Variants in TTLL8 observed in about 807,000 individuals in gnomAD.
TTLL8 encodes tubulin tyrosine ligase like 8, also known as protein monoglycylase TTLL8.
In TTLL8, 65 loss-of-function variants were observed where a neutral mutation model predicts 77.8. That is an observed-to-expected ratio of 0.84 (90% CI 0.68 to 1.03). The LOEUF (loss-of-function observed/expected upper bound fraction) is 1.03. Ranked by LOEUF, TTLL8 falls within the 50% of genes least tolerant of loss-of-function variation. TTLL8 has a pLI of 0.00. For missense variants in TTLL8, 910 were observed against 1,004.5 expected, an observed-to-expected ratio of 0.91 and a Z score of 1.27; for synonymous variants, 402 against 422.8, an observed-to-expected ratio of 0.95 and a Z score of 0.60.
rs1199774017 is a variant in TTLL8 at position 50,034,133 on chromosome 22, C to T, written c.1039+212G>A. Among the ~76,000 whole-genome samples the T allele has an allele frequency of 2.0e-5, 3 of 152,230 alleles. No homozygotes were observed. The highest frequency in any genetic ancestry group is 4.1e-4 in the South Asian group (2 of 4,838). On this transcript the variant is annotated intron_variant, in intron 9 of 13. Coordinates refer to ENST00000266182, the Ensembl canonical transcript of TTLL8. This position sits in a 1 kb window ranked among gnomAD's most constrained non-coding sequence, Gnocchi z 4.1. ...GGAAATCCTGATTAACCCATCAACC[C>T]GGATCCTGCCCTGTGATCGGAACAC...
intron 3 of TTLL8, among the ~76,000 whole-genome samples, chr22:50,047,589 G>T (rs796460940): frequency 2.3e-4 from 35 of 152,256 alleles, no homozygotes; most frequent in African/African-American, 8.4e-4. Flanking sequence ...GTGTGGGGAC[G>T]TGCCACTTGC....
At chr22:50,053,829 C>T (rs996657374) in intron 1 of TTLL8, among the ~76,000 whole-genome samples, 10 of 152,288 alleles carry the variant, frequency 6.6e-5, no homozygotes, top group East Asian at 1.9e-4. Flanking sequence ...GGTGATGGAA[C>T]GGTCTTTATG....
At chr22:50,057,934 G>GGA (rs1363107455), upstream of TTLL8, among the ~76,000 whole-genome samples, 1 of 151,916 alleles carries the variant, frequency 6.6e-6, no homozygotes, top group African/African-American at 2.4e-5. Context: ...GAGTTGGGCA[G>GGA]GTTTAGTGGG....
In TTLL8 at chr22:50,044,067, G is replaced by A. The variant is rs2061393073; in HGVS notation, c.643+1188C>T. On this transcript the variant is annotated intron_variant, in intron 6 of 13. Coordinates refer to ENST00000266182, the Ensembl canonical transcript of TTLL8. This position sits in a 1 kb window ranked among gnomAD's most constrained non-coding sequence, Gnocchi z 4.2. ...AGGCCAGGTACGGTGGATCAAGCCT[G>A]TAATCCCAGCACTGTGGGAGGCCGA... 3.3e-5 allele frequency among the ~76,000 whole-genome samples: 5 copies of A among 152,322 alleles called. No homozygotes were observed. In the South Asian group the frequency reaches 1.0e-3, roughly 32 times the overall value.
At chr22:50,036,392 A>G (rs1382599585) in intron 8 of TTLL8, among the ~76,000 whole-genome samples, 1 of 152,128 alleles carries the variant, frequency 6.6e-6, no homozygotes, top group Non-Finnish European at 1.5e-5. Flanking sequence ...GCCATACTCA[A>G]AAAAGTCAAG....
chr22:50,030,632 G>C, exon 12 of TTLL8: 2 of 1,290,824 alleles, frequency 1.5e-6, no homozygotes, highest in Non-Finnish European at 2.0e-6. Flanking sequence ...CTTTGGTGCG[G>C]GTGGGCTGTG....
intron 11 of TTLL8, among the ~76,000 whole-genome samples, chr22:50,031,345 G>T (rs2146646928): frequency 6.6e-6 from 1 of 152,334 alleles, no homozygotes; most frequent in South Asian, 2.1e-4. Context: ...GAGGCTGCGG[G>T]CATGGAGCCC....
chr22:50,047,090 G>A (rs969168915), intron 4 of TTLL8, 78 bp downstream of exon 6: 4 of 1,323,156 alleles, frequency 3.0e-6, no homozygotes, highest in East Asian at 4.8e-5. Flanking sequence ...ACCAGCCACC[G>A]AGGGTCCCTA....
intron 1 of TTLL8, among the ~76,000 whole-genome samples, chr22:50,051,286 A>G (rs2061442546): frequency 6.6e-6 from 1 of 152,194 alleles, no homozygotes; most frequent in Non-Finnish European, 1.5e-5. Flanking sequence ...AACAAGCGAT[A>G]TTTGGTTTTC....
intron 1 of TTLL8, among the ~76,000 whole-genome samples, chr22:50,051,228 A>G (rs2061442241): frequency 6.6e-6 from 1 of 152,186 alleles, no homozygotes; most frequent in Non-Finnish European, 1.5e-5. Context: ...ACTCTATCTT[A>G]TCATTCTTAT....
chr22:50,033,519 C>T, intron 9 of TTLL8, 74 bp from the exon 11 acceptor site: 6 of 1,274,682 alleles, frequency 4.7e-6, no homozygotes, highest in South Asian at 1.2e-5. Flanking sequence ...AGCCCTGGGG[C>T]AGGGTCGCAG....
Position 50,045,111 on chromosome 22 carries a change from A to G in TTLL8, c.643+144T>C, listed in dbSNP as rs371638174. 9.0e-4 allele frequency: 871 copies of G among 964,700 alleles called. 11 individuals are homozygous for G. The highest frequency in any genetic ancestry group is 7.1e-3 in the South Asian group (431 of 60,938). 59.8% of individuals were successfully genotyped at this position (964,700 alleles called of 1,614,324 possible). A position where few individuals can be genotyped will look rare whatever the true frequency, so the allele number is the denominator to read the frequency against. Reference sequence around the variant, plus strand: ...TAGAACAGAAAACCCGTCTGCCATGAGAATCGAGAGAGTCTGAGGCATCGC... The same window carrying G: ...TAGAACAGAAAACCCGTCTGCCATGGGAATCGAGAGAGTCTGAGGCATCGC... On this transcript the variant is annotated intron_variant, in intron 6 of 13. Transcript: ENST00000266182.
At chr22:50,035,342 G>T (rs2061328723) in intron 8 of TTLL8, among the ~76,000 whole-genome samples, 1 of 152,224 alleles carries the variant, frequency 6.6e-6, no homozygotes, top group Non-Finnish European at 1.5e-5. Context: ...GGACATCGGG[G>T]TTCCATTCAC....
upstream of TTLL8, among the ~76,000 whole-genome samples, chr22:50,057,406 TGGGCGGGAGGTCTGGGTTG>T (rs1569237012): frequency 5.1e-3 from 211 of 41,026 alleles, no homozygotes; most frequent in Admixed American, 7.3e-3. Flanking sequence ...AGGTCTGGGT[TGGGCGGGAGGTCTGGGTTG>T]GGGGTCAGGT....
chr22:50,037,502 A>C (rs138981013), intron 8 of TTLL8, among the ~76,000 whole-genome samples: 1 of 152,232 alleles, frequency 6.6e-6, no homozygotes, highest in African/African-American at 2.4e-5. Flanking sequence ...GCCCGGCCCA[A>C]TGTTTTCCCA....
At position 50,032,122 on chromosome 22, in the gene TTLL8, C is replaced by T. The variant is rs773551362; in HGVS notation, c.1284-13G>A. 8.2e-6 allele frequency: 11 copies of T among 1,344,846 alleles called. No homozygotes were observed. Among genetic ancestry groups the T allele is most frequent in the East Asian group, 4.6e-5 (1 of 21,666 alleles). The allele number at this position is 1,344,846 out of a possible 1,614,324, so 83.3% of individuals were successfully genotyped here. A position where few individuals can be genotyped will look rare whatever the true frequency, so the allele number is the denominator to read the frequency against. On this transcript the variant is annotated splice_polypyrimidine_tract_variant and intron_variant, in intron 10 of 13. Transcript: ENST00000266182. The stretch of plus-strand genomic sequence containing the variant: ...CAGGTGGATGGCGCTGCAGGGGGGA[C>T]GAGGGGCAGGTGCTCAGCCTCCCTT...
chr22:50,028,484 C>T (rs539434783), intron 12 of TTLL8, among the ~76,000 whole-genome samples: 82 of 152,252 alleles, frequency 5.4e-4, no homozygotes, highest in South Asian at 4.1e-3. Flanking sequence ...CTTCGCCTCC[C>T]GTGGGGCAAG....
At chr22:50,032,205 C>G in intron 10 of TTLL8, 96 bp from the exon 12 acceptor site, 1 of 1,239,322 alleles carries the variant, frequency 8.1e-7, no homozygotes, top group Non-Finnish European at 1.0e-6. Flanking sequence ...ACCCAGCTGG[C>G]TCTAGAGAAC....
At position 50,034,579 on chromosome 22, in the gene TTLL8, G is replaced by C. The variant is rs573527363; in HGVS notation, c.922-117C>G. On this transcript the variant is annotated intron_variant, in intron 8 of 13. Transcript: ENST00000266182. The surrounding 1 kb of genome is among the most constrained non-coding windows in gnomAD (Gnocchi z 4.1). ...CGCCTCACCCACCAAGCAGGCGCTC[G>C]GCTCTAGGATGGTCTGGGGCTGGCC... 24 of 1,128,254 alleles carry C rather than the reference G, an allele frequency of 2.1e-5. 1 individual carries two copies. In the South Asian group the frequency reaches 3.3e-4, roughly 16 times the overall value. 69.9% of individuals were successfully genotyped at this position (1,128,254 alleles called of 1,614,324 possible).
Sources: gnomAD v4.1 joint callset for allele counts (sites outside exome capture counted in the v4.1 genomes callset) on GRCh38, gnomAD v4.1.1 for gene constraint, Gnocchi (gnomAD v3.1) non-coding constraint, MANE v1.5 for transcripts, NCBI Gene and HGNC (gene_info 2026-07-23, HGNC 2026-07-21) for gene names.